Variants in VWA5B1 observed in about 807,000 individuals in gnomAD.
The protein encoded by VWA5B1 is von Willebrand factor A domain containing 5B1, also known as von Willebrand factor A domain-containing protein 5B1.
VWA5B1 carries 115 observed loss-of-function variants against 118.2 expected under a neutral mutation model. The ratio of observed to expected loss-of-function variants is 0.97; its 90% CI spans 0.84 to 1.14. The LOEUF (loss-of-function observed/expected upper bound fraction) is 1.14. Among genes scored for constraint, VWA5B1 ranks in the 50% most tolerant of loss-of-function variants. The pLI is 0.00. For synonymous variants in VWA5B1, 682 were observed against 658.4 expected, an observed-to-expected ratio of 1.04 and a Z score of -0.55; for missense variants, 1,596 against 1,603.8, an observed-to-expected ratio of 1.00 and a Z score of 0.08.
At chr1:20,331,719 G>A (rs2089560564) in intron 11 of VWA5B1, among the ~76,000 whole-genome samples, 2 of 152,140 alleles carry the variant, frequency 1.3e-5, no homozygotes, top group African/African-American at 2.4e-5. Flanking sequence ...CTGAATCATT[G>A]ACTTGGGGCT....
At chr1:20,303,120 C>G (rs2088543764) in intron 1 of VWA5B1, 1 of 152,188 alleles carries the variant, frequency 6.6e-6, no homozygotes, top group South Asian at 2.1e-4. Flanking sequence ...GATTGGGTGG[C>G]CCTTAGAGCA....
At chr1:20,344,725 T>G (rs4654856) in intron 16 of VWA5B1, among the ~76,000 whole-genome samples, 10,004 of 152,144 alleles carry the variant, frequency 0.066, 392 homozygotes, top group Admixed American at 0.094. Flanking sequence ...TTGTCGTGGG[T>G]TTTGCTTTAT....
chr1:20,319,587 T>G, intron 7 of VWA5B1, 81 bp downstream of exon 7: 1 of 1,524,080 alleles, frequency 6.6e-7, no homozygotes, highest in Non-Finnish European at 8.8e-7. Context: ...ACAAGTGAGG[T>G]GGGGAGGTAA....
intron 11 of VWA5B1, 131 bp from the exon 12 acceptor site, chr1:20,332,635 A>C: frequency 1.1e-6 from 1 of 913,242 alleles, no homozygotes; most frequent in East Asian, 2.7e-5. Flanking sequence ...GCTCAGTGCT[A>C]GGCAAGTCAC....
rs935574757 is a variant in VWA5B1, at chr1:20,314,426, G to A, written c.397G>A (p.Gly133Arg). 1.9e-6 allele frequency: 3 copies of A among 1,551,798 alleles called. No individual in the cohort carries two copies. Among genetic ancestry groups the A allele is most frequent in the Non-Finnish European group, 2.6e-6 (3 of 1,147,046 alleles). ...LERILFVANL[G>R]TIAPMENVTI... is the part of the protein sequence containing the mutation. ...GCGGATCCTGTTCGTGGCCAACCTGGGGACCATTGCCCCCATGGAGAATGT... is the reference window on the plus strand; with the variant it reads ...GCGGATCCTGTTCGTGGCCAACCTGAGGACCATTGCCCCCATGGAGAATGT... Residue 133 changes from glycine (G) to arginine (R), a missense_variant, in exon 4 of 22, where the codon GGG becomes AGG. Transcript: ENST00000289815.
rs928880172 is a variant in VWA5B1 at position 20,357,304 on chromosome 1, T to C, written c.*3041T>C. On this transcript the variant is annotated 3_prime_UTR_variant, in exon 22 of 22. Coordinates refer to ENST00000289815, the MANE Select transcript of VWA5B1 (RefSeq NM_001039500.3). ...TGTGGAATGACGGGGGTTCACAAGA[T>C]CAGCATTTCCAACCCTGTTCCTCAC... Among the ~76,000 whole-genome samples the C allele has an allele frequency of 2.0e-5, 3 of 152,252 alleles. No homozygotes were observed. The highest frequency in any genetic ancestry group is 2.0e-4 in the Admixed American group (3 of 15,288).
rs1392535772 is a variant in VWA5B1 at position 20,312,994 on chromosome 1, G to A, written c.292+6G>A. 2.6e-6 allele frequency: 4 copies of A among 1,550,928 alleles called. No homozygotes were observed. The highest frequency in any genetic ancestry group is 3.5e-6 in the Non-Finnish European group (4 of 1,146,568). On this transcript the variant is annotated splice_donor_region_variant and intron_variant, in intron 3 of 21. Transcript: ENST00000289815. ...TCGATCCCCAACAGTCACAGGTAAG[G>A]AGACCAGAAGGGCTGCCGCGGGACC...
chr1:20,330,812 G>A (rs2089529192), intron 10 of VWA5B1, 57 bp from the exon 11 acceptor site: 2 of 1,466,330 alleles, frequency 1.4e-6, no homozygotes, highest in Non-Finnish European at 1.9e-6. Context: ...TCTGCATCAG[G>A]AGGCAAAGAT....
At position 20,312,946 on chromosome 1, in the gene VWA5B1, G is replaced by C. The variant is rs967446124; in HGVS notation, c.250G>C (p.Gly84Arg). The stretch of plus-strand genomic sequence containing the variant: ...CAAGGACAAAGCCAAGCTGGAGAGC[G>C]GCCACTTCGATGCCTCCCATGTTCG... The part of the protein sequence containing the change: ...QIKDKAKLES[G>R]HFDASHVRSP... The change falls in exon 3 of 22, where the codon GGC becomes CGC. Residue 84 changes from glycine to arginine, a missense_variant. Coordinates refer to ENST00000289815, the MANE Select transcript of VWA5B1 (RefSeq NM_001039500.3). The C allele has an allele frequency of 7.1e-6, 11 of 1,551,636 alleles. No individual in the cohort carries two copies. In the South Asian group the frequency reaches 8.3e-5, roughly 12 times the overall value.
chr1:20,305,200 A>G (rs1307580994), intron 1 of VWA5B1, among the ~76,000 whole-genome samples: 1 of 152,180 alleles, frequency 6.6e-6, no homozygotes, highest in African/African-American at 2.4e-5. Flanking sequence ...GGAGGTTGCA[A>G]TTTTAGGAAT....
chr1:20,350,768 T>A, intron 19 of VWA5B1, 89 bp from the exon 20 acceptor site: 1 of 1,277,972 alleles, frequency 7.8e-7, no homozygotes, highest in African/African-American at 1.5e-5. Flanking sequence ...CACCTGCCCC[T>A]CTCTAGGCCT....
chr1:20,298,284 G>A (rs1267784165), intron 1 of VWA5B1, among the ~76,000 whole-genome samples: 1 of 151,904 alleles, frequency 6.6e-6, no homozygotes, highest in Non-Finnish European at 1.5e-5. Flanking sequence ...TAGGATTACA[G>A]GCATGAGCCA....
chr1:20,311,310 A>T (rs1472213563), intron 2 of VWA5B1, among the ~76,000 whole-genome samples: 1 of 152,206 alleles, frequency 6.6e-6, no homozygotes. Flanking sequence ...CACACTGTCC[A>T]CAGGTCAGTC....
intron 12 of VWA5B1, among the ~76,000 whole-genome samples, chr1:20,335,176 G>T (rs1383788967): frequency 1.3e-5 from 2 of 152,158 alleles, no homozygotes; most frequent in African/African-American, 4.8e-5. Flanking sequence ...TTAGCCAGAC[G>T]TGGTGGCATA....
At chr1:20,337,535 G>A in intron 13 of VWA5B1, 111 bp from the exon 14 acceptor site, 1 of 1,252,658 alleles carries the variant, frequency 8.0e-7, no homozygotes, top group Non-Finnish European at 1.1e-6. Context: ...ATATATTTCA[G>A]TAGGCAAGAG....
At position 20,342,622 on chromosome 1, in the gene VWA5B1, A is replaced by G; in HGVS notation, c.2311+13A>G. 1 of 1,471,516 alleles carries G rather than the reference A, an allele frequency of 6.8e-7. No individual in the cohort carries two copies. Among genetic ancestry groups the G allele is most frequent in the East Asian group, 2.5e-5 (1 of 39,988 alleles). The allele number at this position is 1,471,516 out of a possible 1,614,324, so 91.2% of individuals were successfully genotyped here. ...CCTGGAGATCTGGGTAAGTGACCAC[A>G]GGGTCCAGGACCCAACTGGGGACAG... On this transcript the variant is annotated intron_variant, in intron 15 of 21. Coordinates refer to ENST00000289815, the MANE Select transcript of VWA5B1 (RefSeq NM_001039500.3).
Position 20,343,406 on chromosome 1 carries a change from G to T in VWA5B1, c.2626+13G>T. 2 of 1,497,612 alleles carry T rather than the reference G, an allele frequency of 1.3e-6. No individual in the cohort carries two copies. Among genetic ancestry groups the T allele is most frequent in the Non-Finnish European group, 1.8e-6 (2 of 1,124,612 alleles). 92.8% of individuals were successfully genotyped at this position (1,497,612 alleles called of 1,614,324 possible). A position where few individuals can be genotyped will look rare whatever the true frequency, so the allele number is the denominator to read the frequency against. On this transcript the variant is annotated intron_variant, in intron 16 of 21. Coordinates refer to ENST00000289815, the MANE Select transcript of VWA5B1 (RefSeq NM_001039500.3). The stretch of plus-strand genomic sequence containing the variant: ...GAGATCGAGCAGGGTGAGCGCCACG[G>T]AACTGCGCCCCTCCCGCGGACGGCC...
intron 6 of VWA5B1, 117 bp from the exon 7 acceptor site, chr1:20,319,264 AC>A: frequency 1.4e-6 from 2 of 1,426,904 alleles, no homozygotes; most frequent in East Asian, 2.5e-5. Flanking sequence ...CAGGGCTTCC[AC>A]CCCGCTTCCA....
chr1:20,329,260 T>C (rs1485707662), intron 9 of VWA5B1, among the ~76,000 whole-genome samples: 3 of 149,482 alleles, frequency 2.0e-5, no homozygotes, highest in African/African-American at 7.5e-5. Context: ...ATGCCATTAC[T>C]GCTTTTTTTT....
Sources: gnomAD v4.1 joint callset for allele counts (sites outside exome capture counted in the v4.1 genomes callset) on GRCh38, gnomAD v4.1.1 for gene constraint, MANE v1.5 for transcripts, NCBI Gene and HGNC (gene_info 2026-07-23, HGNC 2026-07-21) for gene names.